The following ST18 variants were observed in gnomAD, a reference collection of about 807,000 sequenced individuals.
ST18 encodes the protein suppression of tumorigenicity 18 protein.
A neutral mutation model predicts 110.0 loss-of-function variants in ST18; 50 were observed. That is an observed-to-expected ratio of 0.45 (90% CI 0.36 to 0.58). The LOEUF is 0.58. Among genes scored for constraint, ST18 ranks in the 20% least tolerant of loss-of-function variants. The pLI is 0.00. For synonymous variants in ST18, 461 were observed against 452.4 expected, an observed-to-expected ratio of 1.02 and a Z score of -0.24; for missense variants, 1,306 against 1,280.1, an observed-to-expected ratio of 1.02 and a Z score of -0.31.
At chr8:52,283,331 T>A (rs1196111092) in intron 2 of ST18, among the ~76,000 whole-genome samples, 1 of 151,936 alleles carries the variant, frequency 6.6e-6, no homozygotes, top group Non-Finnish European at 1.5e-5. Flanking sequence ...GTTTAGAGAT[T>A]GGGGAAAGGT....
intron 2 of ST18, among the ~76,000 whole-genome samples, chr8:52,307,054 C>T (rs560154240): frequency 1.3e-5 from 2 of 152,036 alleles, no homozygotes; most frequent in South Asian, 2.1e-4. Context: ...CATTTGGGCT[C>T]ACGCCTGTAA....
intron 2 of ST18, among the ~76,000 whole-genome samples, chr8:52,235,620 T>C (rs2092522577): frequency 6.6e-6 from 1 of 152,206 alleles, no homozygotes; most frequent in East Asian, 1.9e-4. Flanking sequence ...GTGATGCTGG[T>C]GAAAACATGC....
chr8:52,324,721 A>T (rs1388591928), intron 2 of ST18, among the ~76,000 whole-genome samples: 1 of 152,228 alleles, frequency 6.6e-6, no homozygotes, highest in East Asian at 1.9e-4. Context: ...AGAGGAAAAA[A>T]TAATTAACAT....
Position 52,137,416 on chromosome 8 carries a change from G to T in ST18, c.2231+5C>A. On this transcript the variant is annotated splice_donor_5th_base_variant and intron_variant, in intron 18 of 25. Transcript: ENST00000689386. ...AATCTGACTGCACATGAGGTCATTGGGTACCTGCGATGAGATGCATAGTTT... is the reference window on the plus strand; with the variant it reads ...AATCTGACTGCACATGAGGTCATTGTGTACCTGCGATGAGATGCATAGTTT... 6.2e-7 allele frequency: 1 copy of T among 1,613,994 alleles called. No homozygotes were observed. Among genetic ancestry groups the T allele is most frequent in the Non-Finnish European group, 8.5e-7 (1 of 1,179,964 alleles).
chr8:52,302,722 G>A (rs539425887), intron 2 of ST18, among the ~76,000 whole-genome samples: 75 of 152,262 alleles, frequency 4.9e-4, no homozygotes, highest in African/African-American at 1.6e-3. Context: ...CAGATCTGGG[G>A]CAATTTGAGC....
intron 2 of ST18, among the ~76,000 whole-genome samples, chr8:52,268,158 A>G (rs918190002): frequency 6.6e-6 from 1 of 152,190 alleles, no homozygotes; most frequent in African/African-American, 2.4e-5. Context: ...ATGAATCCTC[A>G]TCCTTCTTTA....
intron 2 of ST18, among the ~76,000 whole-genome samples, chr8:52,267,120 G>A (rs1026644982): frequency 1.3e-5 from 2 of 152,096 alleles, no homozygotes; most frequent in African/African-American, 4.8e-5. Context: ...TGACTTCTGC[G>A]ATGGTGCACT....
At chr8:52,210,286 A>G (rs750852837) in intron 8 of ST18, among the ~76,000 whole-genome samples, 2 of 152,246 alleles carry the variant, frequency 1.3e-5, no homozygotes, top group African/African-American at 4.8e-5. Flanking sequence ...AATTTAAATG[A>G]GCAAGGTTAT....
At chr8:52,236,380 C>T (rs894130815) in intron 2 of ST18, among the ~76,000 whole-genome samples, 8 of 152,070 alleles carry the variant, frequency 5.3e-5, no homozygotes, top group African/African-American at 1.9e-4. Flanking sequence ...GAGGCCAAAG[C>T]GGGTGGATCA....
At chr8:52,342,487 C>T (rs1254682812) in intron 2 of ST18, among the ~76,000 whole-genome samples, 2 of 152,188 alleles carry the variant, frequency 1.3e-5, no homozygotes, top group Non-Finnish European at 1.5e-5. Context: ...TTCCAGACCA[C>T]GATGGAGATG....
At chr8:52,178,293 T>C (rs567901909) in intron 9 of ST18, among the ~76,000 whole-genome samples, 141 of 152,108 alleles carry the variant, frequency 9.3e-4, no homozygotes, top group African/African-American at 3.2e-3. Context: ...TCAAAGACTT[T>C]CCCTAATACT....
intron 2 of ST18, among the ~76,000 whole-genome samples, chr8:52,364,421 C>T (rs761628049): frequency 1.1e-4 from 16 of 152,288 alleles, no homozygotes; most frequent in African/African-American, 2.4e-4. Flanking sequence ...TTTGATATCT[C>T]GCTTGCCTAC....
chr8:52,299,805 G>A (rs80292731), intron 2 of ST18, among the ~76,000 whole-genome samples: 1 of 152,186 alleles, frequency 6.6e-6, no homozygotes, highest in African/African-American at 2.4e-5. Flanking sequence ...TCACCTCTGG[G>A]TTACAAACAC....
chr8:52,187,686 A>T (rs867687704), intron 8 of ST18, among the ~76,000 whole-genome samples: 6 of 152,204 alleles, frequency 3.9e-5, no homozygotes, highest in Admixed American at 1.3e-4. Context: ...TCATTTACTA[A>T]ATCTAAGATG....
chr8:52,266,379 G>A (rs1399441767), intron 2 of ST18, among the ~76,000 whole-genome samples: 2 of 152,054 alleles, frequency 1.3e-5, no homozygotes, highest in East Asian at 1.9e-4. Context: ...CAAGACACCA[G>A]AGAAGGACAA....
At chr8:52,165,037 G>A (rs907005648) in intron 12 of ST18, 98 bp downstream of exon 12, 7 of 1,147,172 alleles carry the variant, frequency 6.1e-6, no homozygotes, top group Non-Finnish European at 7.9e-6. Context: ...CAGTGATGCA[G>A]CAATTTTCAT....
chr8:52,313,465 G>C (rs954011356), intron 2 of ST18: 2 of 163,648 alleles, frequency 1.2e-5, no homozygotes, highest in Admixed American at 5.7e-5. Context: ...CTGTATTATA[G>C]GAAAGCTTAT....
chr8:52,114,873 T>C (rs1465586644), intron 25 of ST18, among the ~76,000 whole-genome samples: 2 of 152,218 alleles, frequency 1.3e-5, no homozygotes, highest in Admixed American at 1.3e-4. Flanking sequence ...AAATCACCAC[T>C]AGAGTGCCCT....
At chr8:52,333,628 A>G (rs975711230) in intron 2 of ST18, among the ~76,000 whole-genome samples, 5 of 152,220 alleles carry the variant, frequency 3.3e-5, no homozygotes, top group African/African-American at 9.6e-5. Flanking sequence ...GATAAAGGAA[A>G]CCTGAAAATA....
Sources: allele counts gnomAD v4.1 joint callset (sites outside exome capture counted in the v4.1 genomes callset), GRCh38; gene constraint gnomAD v4.1.1; transcripts MANE v1.5; gene names NCBI Gene and HGNC (gene_info 2026-07-23, HGNC 2026-07-21).